FMNL2: variants seen among roughly 807,000 people sequenced by gnomAD.
The protein encoded by FMNL2 is formin-like protein 2.
In FMNL2, 51 loss-of-function variants were observed where a neutral mutation model predicts 130.2. That is an observed-to-expected ratio of 0.39 (90% CI 0.31 to 0.49). The LOEUF (loss-of-function observed/expected upper bound fraction) is 0.49. FMNL2 is among the 20% of genes least tolerant of loss of function. FMNL2 has a pLI of 0.85. For synonymous variants in FMNL2, 465 were observed against 467.1 expected, an observed-to-expected ratio of 1.00 and a Z score of 0.06; for missense variants, 977 against 1,316.2, an observed-to-expected ratio of 0.74 and a Z score of 3.99.
At chr2:152,600,927 T>G (rs1698014611) in intron 9 of FMNL2, among the ~76,000 whole-genome samples, 1 of 152,180 alleles carries the variant, frequency 6.6e-6, no homozygotes, top group Non-Finnish European at 1.5e-5. Context: ...CACAGCCAAG[T>G]GCATTCCTCT....
At chr2:152,419,869 G>A (rs1227207998) in intron 1 of FMNL2, among the ~76,000 whole-genome samples, 4 of 152,134 alleles carry the variant, frequency 2.6e-5, no homozygotes, top group African/African-American at 4.8e-5. Flanking sequence ...GAGAGACTCC[G>A]ATTGTAACAG....
chr2:152,502,765 A>G (rs950770823), intron 1 of FMNL2, among the ~76,000 whole-genome samples: 2 of 152,090 alleles, frequency 1.3e-5, no homozygotes, highest in South Asian at 2.1e-4. Flanking sequence ...AGAGGAAGGT[A>G]CAGAAGTATG....
chr2:152,485,897 A>T lies in FMNL2; in HGVS notation c.118-36046A>T, dbSNP rs1003088782. ...AAGAAAGCTTTTAACAAAATTGCTTATTAAACCACACCTCAGGCTGTGCAG... is the reference window on the plus strand; with the variant it reads ...AAGAAAGCTTTTAACAAAATTGCTTTTTAAACCACACCTCAGGCTGTGCAG... On this transcript the variant is annotated intron_variant, in intron 1 of 25. Transcript: ENST00000288670. Among the ~76,000 whole-genome samples the T allele has an allele frequency of 2.6e-5, 4 of 152,234 alleles. No individual in the cohort carries two copies. In the South Asian group the frequency reaches 6.2e-4, roughly 24 times the overall value.
chr2:152,512,872 G>A (rs1039544529), intron 1 of FMNL2, among the ~76,000 whole-genome samples: 2 of 152,138 alleles, frequency 1.3e-5, no homozygotes, highest in African/African-American at 4.8e-5. Flanking sequence ...AAAGATGGAG[G>A]TGCATTAAAG....
chr2:152,620,854 A>G (rs999309351), intron 15 of FMNL2: 9 of 861,892 alleles, frequency 1.0e-5, no homozygotes, highest in African/African-American at 1.8e-5. Context: ...CCCGACTTCT[A>G]TATAAAACTG....
At chr2:152,403,246 C>G (rs1685807957) in intron 1 of FMNL2, among the ~76,000 whole-genome samples, 1 of 149,926 alleles carries the variant, frequency 6.7e-6, no homozygotes. Context: ...ACCCACAAAA[C>G]TGTAAAAACA....
chr2:152,509,998 C>T (rs1692409179), intron 1 of FMNL2, among the ~76,000 whole-genome samples: 1 of 152,034 alleles, frequency 6.6e-6, no homozygotes, highest in African/African-American at 2.4e-5. Flanking sequence ...ATCCTCCCAC[C>T]TTAGCCTTCC....
At chr2:152,636,240 A>C (rs1682593459) in intron 21 of FMNL2, among the ~76,000 whole-genome samples, 187 bp from the exon 22 acceptor site, 1 of 152,254 alleles carries the variant, frequency 6.6e-6, no homozygotes, top group Non-Finnish European at 1.5e-5. Context: ...TAGTGCATGC[A>C]AAGAATGTAA....
intron 25 of FMNL2, 110 bp from the exon 26 acceptor site, chr2:152,647,686 C>G: frequency 1.0e-6 from 1 of 954,740 alleles, no homozygotes; most frequent in South Asian, 1.3e-5. Context: ...GGCCCATTAG[C>G]TGACTTTTCT....
At chr2:152,497,056 C>T (rs1415816645) in intron 1 of FMNL2, among the ~76,000 whole-genome samples, 2 of 152,110 alleles carry the variant, frequency 1.3e-5, no homozygotes, top group African/African-American at 2.4e-5. Context: ...TAGCCGTTCT[C>T]AACAGATAGA....
chr2:152,456,452 T>G (rs992993791), intron 1 of FMNL2, among the ~76,000 whole-genome samples: 1 of 152,194 alleles, frequency 6.6e-6, no homozygotes, highest in African/African-American at 2.4e-5. Context: ...TCTTCCTGCC[T>G]TGGCCTCCCA....
At chr2:152,539,951 G>A (rs999750912) in intron 2 of FMNL2, among the ~76,000 whole-genome samples, 2 of 152,064 alleles carry the variant, frequency 1.3e-5, no homozygotes, top group African/African-American at 4.8e-5. Context: ...TTAGCTGGGC[G>A]TGGTTGCCTG....
At chr2:152,457,908 C>G (rs1307607504) in intron 1 of FMNL2, among the ~76,000 whole-genome samples, 1 of 152,168 alleles carries the variant, frequency 6.6e-6, no homozygotes, top group African/African-American at 2.4e-5. Flanking sequence ...CAGGGCAAGA[C>G]CTTCTCATGC....
At chr2:152,634,165 G>A (rs578066046) in intron 21 of FMNL2, among the ~76,000 whole-genome samples, 15 of 152,284 alleles carry the variant, frequency 9.9e-5, no homozygotes, top group East Asian at 5.8e-4. Context: ...GGCCGGGTGC[G>A]GTAGCTCATG....
At position 152,338,055 on chromosome 2, in the gene FMNL2, A is replaced by G. The variant is rs928703115; in HGVS notation, c.117+2335A>G. ...TTTTTTCTGGAGTTGTGTGTGTGAT[A>G]ATCTCAACTTTGCTTTTCTTCATGA... is the stretch of plus-strand genomic sequence containing the variant. On this transcript the variant is annotated intron_variant, in intron 1 of 25. Coordinates refer to ENST00000288670, the MANE Select transcript of FMNL2 (RefSeq NM_052905.4). 7.4e-5 allele frequency among the ~76,000 whole-genome samples: 11 copies of G among 149,078 alleles called. 1 individual carries two copies. Among genetic ancestry groups the G allele is most frequent in the Non-Finnish European group, 3.0e-5 (2 of 67,486 alleles).
chr2:152,406,574 G>T (rs1057251622), intron 1 of FMNL2, among the ~76,000 whole-genome samples: 1 of 152,192 alleles, frequency 6.6e-6, no homozygotes, highest in Admixed American at 6.5e-5. Context: ...TCCTAGATTT[G>T]AATTGTTATG....
At chr2:152,340,738 C>T (rs1236751930) in intron 1 of FMNL2, among the ~76,000 whole-genome samples, 3 of 152,148 alleles carry the variant, frequency 2.0e-5, no homozygotes, top group Admixed American at 2.0e-4. Flanking sequence ...GTCGCCCAGG[C>T]TGGAGTGCAG....
At chr2:152,429,893 C>G (rs1361782396) in intron 1 of FMNL2, among the ~76,000 whole-genome samples, 1 of 152,090 alleles carries the variant, frequency 6.6e-6, no homozygotes, top group Non-Finnish European at 1.5e-5. Context: ...TTATTCAGCT[C>G]AACAATTCTG....
rs1163993397 is a variant in FMNL2, at chr2:152,364,259, G to GT, written c.117+28540dup. ...GTTTCACATCCGTTAGGAGGTTTGT[G>GT]TGTTTTTTTTTTTTTTTTTTTTTTT... On this transcript the variant is annotated intron_variant, in intron 1 of 25. Transcript: ENST00000288670. Among the ~76,000 whole-genome samples the GT allele has an allele frequency of 9.9e-3, 991 of 100,308 alleles. 75 individuals carry two copies. The East Asian group carries it at 0.15, about 15-fold the overall frequency. 65.8% of individuals were successfully genotyped at this position (100,308 alleles called of 152,430 possible).
Sources: allele counts gnomAD v4.1 joint callset (sites outside exome capture counted in the v4.1 genomes callset), GRCh38; gene constraint gnomAD v4.1.1; transcripts MANE v1.5; gene names NCBI Gene and HGNC (gene_info 2026-07-23, HGNC 2026-07-21).